The following TEX9 variants were observed in gnomAD, a reference collection of about 807,000 sequenced individuals.
TEX9 encodes the protein testis expressed 9, also known as testis-expressed protein 9.
A neutral mutation model predicts 59.6 loss-of-function variants in TEX9; 74 were observed. The observed-to-expected ratio is 1.24, with a 90% CI of 1.03 to 1.51. The LOEUF (loss-of-function observed/expected upper bound fraction) is 1.51, where lower values mean the gene tolerates loss of function less well. Ranked by LOEUF, TEX9 falls within the 40% of genes most tolerant of loss-of-function variation. The pLI is 0.00. For missense variants in TEX9, 522 were observed against 447.8 expected, an observed-to-expected ratio of 1.17 and a Z score of -1.49; for synonymous variants, 186 against 152.2, an observed-to-expected ratio of 1.22 and a Z score of -1.64.
At chr15:56,256,526 A>G (rs1452857282) in intron 1 of TEX9, among the ~76,000 whole-genome samples, 3 of 152,082 alleles carry the variant, frequency 2.0e-5, no homozygotes, top group Non-Finnish European at 1.5e-5. Flanking sequence ...AAGCAAGGGT[A>G]TTACTAAAGG....
chr15:56,311,125 CTT>C (rs1313775992), intron 1 of TEX9, among the ~76,000 whole-genome samples: 3 of 56,712 alleles, frequency 5.3e-5, no homozygotes, highest in Middle Eastern at 8.9e-3. Flanking sequence ...CTCCTTATTT[CTT>C]TTTTTTTTTT....
At chr15:56,453,485 C>A in the TEX9 span, among the ~76,000 whole-genome samples, 4 of 152,086 alleles carry the variant, frequency 2.6e-5, no homozygotes, top group Admixed American at 2.6e-4. Flanking sequence ...CTGGTATAAG[C>A]TAGGTAATGG....
intron 10 of TEX9, among the ~76,000 whole-genome samples, chr15:56,414,365 G>A (rs78880738): frequency 0.043 from 6,466 of 151,590 alleles, 195 homozygotes; most frequent in South Asian, 0.073. Flanking sequence ...GTACTCAATA[G>A]TTATCTCTTC....
the TEX9 span, chr15:56,456,528 G>A: frequency 2.7e-5 from 44 of 1,604,280 alleles, no homozygotes; most frequent in South Asian, 3.4e-5. Flanking sequence ...CTGCCTGAAC[G>A]AAAAATTTAA....
chr15:56,260,904 G>A (rs1393185477), intron 1 of TEX9, among the ~76,000 whole-genome samples: 1 of 151,754 alleles, frequency 6.6e-6, no homozygotes, highest in African/African-American at 2.4e-5. Context: ...TTAAATTGTA[G>A]ATAGAATATA....
At chr15:56,261,444 G>A (rs988843205) in intron 1 of TEX9, among the ~76,000 whole-genome samples, 4 of 152,080 alleles carry the variant, frequency 2.6e-5, no homozygotes, top group South Asian at 2.1e-4. Context: ...TAGGCCAGGC[G>A]CAGTGGCTCA....
chr15:56,293,871 G>A (rs1303017412), intron 1 of TEX9, among the ~76,000 whole-genome samples: 1 of 152,216 alleles, frequency 6.6e-6, no homozygotes, highest in Admixed American at 6.5e-5. Context: ...GACTCTACAT[G>A]TCTCTTCCCT....
intron 1 of TEX9, among the ~76,000 whole-genome samples, chr15:56,335,626 C>T (rs570654131): frequency 4.4e-4 from 67 of 152,192 alleles, no homozygotes; most frequent in Non-Finnish European, 6.5e-4. Context: ...TTTAGTTGTA[C>T]ATTTAAAAAT....
chr15:56,338,155 G>T (rs1399525836), intron 1 of TEX9, among the ~76,000 whole-genome samples: 1 of 152,184 alleles, frequency 6.6e-6, no homozygotes, highest in Non-Finnish European at 1.5e-5. Context: ...TCCCTTTTGG[G>T]AAGCATTTCC....
intron 1 of TEX9, among the ~76,000 whole-genome samples, chr15:56,263,011 C>T (rs1360531433): frequency 6.6e-6 from 1 of 152,056 alleles, no homozygotes; most frequent in African/African-American, 2.4e-5. Context: ...AATAACAACA[C>T]ACGTGGCTGT....
At chr15:56,431,807 T>C (rs889376668) in intron 12 of TEX9, among the ~76,000 whole-genome samples, 7 of 152,040 alleles carry the variant, frequency 4.6e-5, no homozygotes, top group Non-Finnish European at 5.9e-5. Context: ...AAATATTTAC[T>C]GAATGCTTAC....
At chr15:56,359,829 G>A (rs796773474) in intron 1 of TEX9, among the ~76,000 whole-genome samples, 78 of 152,172 alleles carry the variant, frequency 5.1e-4, no homozygotes, top group African/African-American at 1.8e-3. Flanking sequence ...TGTTGTTCCT[G>A]ATCTTAGGGA....
At chr15:56,456,363 A>G in the TEX9 span, 7 of 1,583,804 alleles carry the variant, frequency 4.4e-6, no homozygotes, top group Non-Finnish European at 6.0e-6. Context: ...GATAAAGACT[A>G]AATAAATGAA....
intron 12 of TEX9, among the ~76,000 whole-genome samples, chr15:56,430,713 A>G (rs1346232457): frequency 2.0e-5 from 3 of 151,766 alleles, no homozygotes; most frequent in Non-Finnish European, 4.4e-5. Context: ...TGTAAGTACT[A>G]CAGTTCTAGG....
chr15:56,322,604 T>C (rs2045927093), intron 1 of TEX9, among the ~76,000 whole-genome samples: 1 of 152,102 alleles, frequency 6.6e-6, no homozygotes, highest in Non-Finnish European at 1.5e-5. Context: ...CTAGGCAACT[T>C]GAAGGTGAGC....
intron 9 of TEX9, among the ~76,000 whole-genome samples, chr15:56,402,795 C>T (rs1394244595): frequency 5.3e-5 from 8 of 152,138 alleles, no homozygotes; most frequent in African/African-American, 1.2e-4. Flanking sequence ...AAGATCAAGT[C>T]GGCTTCATCC....
intron 1 of TEX9, among the ~76,000 whole-genome samples, chr15:56,338,644 C>T (rs775699903): frequency 1.1e-4 from 17 of 152,288 alleles, no homozygotes; most frequent in Non-Finnish European, 2.1e-4. Flanking sequence ...TGGCTGGGCG[C>T]GGTAGCTCAT....
chr15:56,441,909 A>G (rs2050821183), intron 12 of TEX9, among the ~76,000 whole-genome samples: 1 of 152,076 alleles, frequency 6.6e-6, no homozygotes, highest in African/African-American at 2.4e-5. Flanking sequence ...AGTCCCAGCT[A>G]CTTGGGAGGC....
chr15:56,295,644 A>T (rs1244820477), intron 1 of TEX9, among the ~76,000 whole-genome samples: 2 of 152,200 alleles, frequency 1.3e-5, no homozygotes, highest in Non-Finnish European at 2.9e-5. Context: ...GCGATATTTT[A>T]TCAGATTCAA....
Sources: allele counts gnomAD v4.1 joint callset (sites outside exome capture counted in the v4.1 genomes callset), GRCh38; gene constraint gnomAD v4.1.1; transcripts MANE v1.5; gene names NCBI Gene and HGNC (gene_info 2026-07-23, HGNC 2026-07-21).